Variants in ULK4 observed in about 807,000 individuals in gnomAD.
The protein encoded by ULK4 is inactive serine/threonine-protein kinase ULK4.
ULK4 carries 133 observed loss-of-function variants against 160.6 expected under a neutral mutation model. The observed-to-expected ratio is 0.83, with a 90% CI of 0.72 to 0.96. The LOEUF (loss-of-function observed/expected upper bound fraction) is 0.96. Ranked by LOEUF, ULK4 falls within the 40% of genes least tolerant of loss-of-function variation. The pLI is 0.00. For missense variants in ULK4, 1,580 were observed against 1,499.5 expected, an observed-to-expected ratio of 1.05 and a Z score of -0.89; for synonymous variants, 534 against 539.8, an observed-to-expected ratio of 0.99 and a Z score of 0.15.
chr3:41,488,696 T>G (rs1055828072), intron 32 of ULK4, among the ~76,000 whole-genome samples: 1 of 152,180 alleles, frequency 6.6e-6, no homozygotes, highest in African/African-American at 2.4e-5. Context: ...TAACACCAAG[T>G]GAAACTCTTG....
intron 17 of ULK4, among the ~76,000 whole-genome samples, chr3:41,877,895 C>T (rs1385854145): frequency 4.0e-5 from 6 of 151,830 alleles, no homozygotes; most frequent in Admixed American, 6.6e-5. Flanking sequence ...GCAGGAGAAT[C>T]GCTTGAACCC....
chr3:41,271,714 C>T (rs903092200), intron 35 of ULK4, among the ~76,000 whole-genome samples: 2 of 151,858 alleles, frequency 1.3e-5, no homozygotes, highest in African/African-American at 4.8e-5. Flanking sequence ...ATTTTTATTG[C>T]TGAGTAGTAT....
At chr3:41,661,929 G>A (rs935727869) in intron 30 of ULK4, among the ~76,000 whole-genome samples, 1 of 152,068 alleles carries the variant, frequency 6.6e-6, no homozygotes. Flanking sequence ...AGGAAATTAA[G>A]CTGAATAGAG....
Position 41,705,301 on chromosome 3 carries a change from T to C in ULK4, c.2639A>G (p.His880Arg), listed in dbSNP as rs770585305. Residue 880 changes from histidine to arginine, a missense_variant, in exon 26 of 37, where the codon CAT becomes CGT. Physicochemically the swap from His to Arg is conservative, Grantham distance 29. Transcript: ENST00000301831. ...TTCTCCTGAGTCTACAGATTTAATA[T>C]GACTCTGAAAAAAAATAAATTTTTA... ...FLFSYGTILS[H>R]IKSVDSGETN... The C allele has an allele frequency of 5.6e-6, 9 of 1,608,202 alleles. No homozygotes were observed. Among genetic ancestry groups the C allele is most frequent in the Admixed American group, 5.0e-5 (3 of 59,410 alleles).
intron 17 of ULK4, among the ~76,000 whole-genome samples, chr3:41,872,733 T>C (rs1198331995): frequency 6.6e-6 from 1 of 152,194 alleles, no homozygotes; most frequent in Admixed American, 6.5e-5. Context: ...GGTTTTTATG[T>C]TAATTTCCCA....
intron 27 of ULK4, among the ~76,000 whole-genome samples, chr3:41,683,801 G>C (rs369938529): frequency 2.4e-4 from 37 of 151,986 alleles, no homozygotes; most frequent in African/African-American, 8.7e-4. Flanking sequence ...AGGAAACTCT[G>C]TCTGGCACTG....
chr3:41,646,192 AT>A (rs1197200133), intron 30 of ULK4, among the ~76,000 whole-genome samples: 2 of 152,182 alleles, frequency 1.3e-5, no homozygotes, highest in African/African-American at 2.4e-5. Context: ...GTCCATTTAC[AT>A]TTAAAGTTAA....
chr3:41,930,477 A>G (rs1210314245), intron 5 of ULK4, among the ~76,000 whole-genome samples: 1 of 152,242 alleles, frequency 6.6e-6, no homozygotes, highest in Non-Finnish European at 1.5e-5. Flanking sequence ...GCAAAAGCCA[A>G]AATTGACAAA....
chr3:41,495,001 C>A (rs1057397931), intron 32 of ULK4, among the ~76,000 whole-genome samples: 22 of 152,084 alleles, frequency 1.4e-4, no homozygotes, highest in South Asian at 2.1e-4. Context: ...AATGGCCATA[C>A]TGCCCAAGGT....
At chr3:41,880,802 T>G (rs1157534056) in intron 17 of ULK4, among the ~76,000 whole-genome samples, 1 of 152,084 alleles carries the variant, frequency 6.6e-6, no homozygotes, top group East Asian at 1.9e-4. Flanking sequence ...CATGAACCTG[T>G]GGTCCAAGCT....
At chr3:41,682,537 A>G (rs754044574) in intron 27 of ULK4, among the ~76,000 whole-genome samples, 8 of 152,236 alleles carry the variant, frequency 5.3e-5, no homozygotes, top group Non-Finnish European at 1.2e-4. Flanking sequence ...TGCACAGCCA[A>G]ACGACATCTT....
At chr3:41,442,019 C>T (rs1336063920) in intron 34 of ULK4, among the ~76,000 whole-genome samples, 1 of 152,200 alleles carries the variant, frequency 6.6e-6, no homozygotes, top group East Asian at 1.9e-4. Context: ...CATGGTGCAT[C>T]TTCTTCCATT....
intron 15 of ULK4, 99 bp from the exon 16 acceptor site, chr3:41,895,663 T>C (rs1271639553): frequency 3.2e-6 from 2 of 625,458 alleles, no homozygotes; most frequent in Non-Finnish European, 5.0e-6. Flanking sequence ...CAGGACTTTA[T>C]ACAAAGGAAA....
chr3:41,551,315 A>G (rs1404680004), intron 32 of ULK4, among the ~76,000 whole-genome samples: 1 of 151,846 alleles, frequency 6.6e-6, no homozygotes, highest in Non-Finnish European at 1.5e-5. Context: ...GAGGCAAAAA[A>G]GTATAAAGGA....
chr3:41,914,329 T>G (rs2148806709), intron 8 of ULK4, among the ~76,000 whole-genome samples: 1 of 152,266 alleles, frequency 6.6e-6, no homozygotes, highest in Admixed American at 6.5e-5. Flanking sequence ...ACAAAGGTTC[T>G]TATGGTTCAC....
intron 32 of ULK4, among the ~76,000 whole-genome samples, chr3:41,562,337 G>A (rs12496816): frequency 0.56 from 84,989 of 152,026 alleles, 26,474 homozygotes; most frequent in Admixed American, 0.7. Context: ...TGTATTTTCT[G>A]TTTATTTGGG....
In ULK4 at chr3:41,437,098, A is replaced by G. The variant is rs1325874751; in HGVS notation, c.3492+18399T>C. 6.6e-5 allele frequency among the ~76,000 whole-genome samples: 10 copies of G among 152,204 alleles called. 1 individual carries two copies. The highest frequency in any genetic ancestry group is 5.2e-4 in the Admixed American group (8 of 15,272). ...TCAATTTATTGCCACAGGAAAGCCA[A>G]CCAAGCTATACTTAGTCTCCACTCA... On this transcript the variant is annotated intron_variant, in intron 34 of 36. Transcript: ENST00000301831.
intron 32 of ULK4, among the ~76,000 whole-genome samples, chr3:41,525,215 C>T (rs1431404999): frequency 2.6e-5 from 4 of 152,146 alleles, no homozygotes; most frequent in Non-Finnish European, 4.4e-5. Context: ...CACATAGCAC[C>T]TCAGTAAGGC....
intron 5 of ULK4, among the ~76,000 whole-genome samples, chr3:41,921,235 C>T (rs1699170092): frequency 6.6e-6 from 1 of 152,090 alleles, no homozygotes; most frequent in African/African-American, 2.4e-5. Context: ...TCACTTGAAC[C>T]TAGTAGGCGA....
Sources: gnomAD v4.1 joint callset for allele counts (sites outside exome capture counted in the v4.1 genomes callset) on GRCh38, gnomAD v4.1.1 for gene constraint, MANE v1.5 for transcripts, NCBI Gene and HGNC (gene_info 2026-07-23, HGNC 2026-07-21) for gene names.